MICU2: variants seen among roughly 807,000 people sequenced by gnomAD.
The protein encoded by MICU2 is mitochondrial calcium uptake 2.
Under a neutral mutation model 60.4 loss-of-function variants are expected in MICU2, and 64 were observed. The observed-to-expected ratio is 1.06, with a 90% CI of 0.87 to 1.31. The LOEUF (loss-of-function observed/expected upper bound fraction) is 1.31, where lower values mean the gene tolerates loss of function less well. Among genes scored for constraint, MICU2 ranks in the 50% most tolerant of loss-of-function variants. The pLI is 0.00. For synonymous variants in MICU2, 201 were observed against 175.0 expected, an observed-to-expected ratio of 1.15 and a Z score of -1.17; for missense variants, 569 against 531.0, an observed-to-expected ratio of 1.07 and a Z score of -0.70.
chr13:21,603,202 C>T (rs1010538983), intron 1 of MICU2, among the ~76,000 whole-genome samples: 1 of 152,132 alleles, frequency 6.6e-6, no homozygotes, highest in Admixed American at 6.5e-5. Context: ...GAACTCCTGA[C>T]CTCAGGAGAT....
chr13:21,556,881 T>C (rs1206372315), intron 2 of MICU2, among the ~76,000 whole-genome samples: 1 of 152,126 alleles, frequency 6.6e-6, no homozygotes, highest in Non-Finnish European at 1.5e-5. Context: ...TGTAAAATGA[T>C]TGGAAAACTC....
At chr13:21,589,314 G>A (rs929527120) in intron 1 of MICU2, among the ~76,000 whole-genome samples, 1 of 152,168 alleles carries the variant, frequency 6.6e-6, no homozygotes, top group Non-Finnish European at 1.5e-5. Context: ...ACTTATTCTT[G>A]TCAGGTGCTG....
chr13:21,502,494 T>C (rs1886199182), intron 9 of MICU2, among the ~76,000 whole-genome samples: 1 of 152,214 alleles, frequency 6.6e-6, no homozygotes, highest in Non-Finnish European at 1.5e-5. Flanking sequence ...TATATTAGCA[T>C]TGTGACAGGT....
intron 2 of MICU2, among the ~76,000 whole-genome samples, chr13:21,542,020 A>C (rs981345243): frequency 2.6e-5 from 4 of 152,098 alleles, no homozygotes; most frequent in Admixed American, 2.0e-4. Flanking sequence ...CTCTTACATA[A>C]AATTCATTTT....
intron 1 of MICU2, among the ~76,000 whole-genome samples, chr13:21,568,024 G>A (rs1193209481): frequency 6.6e-6 from 1 of 152,104 alleles, no homozygotes; most frequent in Non-Finnish European, 1.5e-5. Context: ...TCCAATAGCA[G>A]GCTTTCATTC....
chr13:21,596,896 A>C (rs1053141123), intron 1 of MICU2, among the ~76,000 whole-genome samples: 1 of 152,240 alleles, frequency 6.6e-6, no homozygotes, highest in African/African-American at 2.4e-5. Flanking sequence ...AAATGCAAAA[A>C]TAGTTTATTA....
chr13:21,524,153 A>G (rs1388096846), intron 4 of MICU2, among the ~76,000 whole-genome samples: 1 of 152,218 alleles, frequency 6.6e-6, no homozygotes, highest in African/African-American at 2.4e-5. Flanking sequence ...GATTGGTATA[A>G]TAGCAAAATG....
intron 1 of MICU2, among the ~76,000 whole-genome samples, chr13:21,584,802 C>A (rs1888423774): frequency 6.6e-6 from 1 of 152,088 alleles, no homozygotes; most frequent in Non-Finnish European, 1.5e-5. Flanking sequence ...CATTTAAATT[C>A]ATATACTGCT....
At chr13:21,577,172 C>T (rs1383674538) in intron 1 of MICU2, among the ~76,000 whole-genome samples, 1 of 152,188 alleles carries the variant, frequency 6.6e-6, no homozygotes, top group East Asian at 1.9e-4. Flanking sequence ...CAAGATTTTC[C>T]TAAAACAGAT....
intron 2 of MICU2, among the ~76,000 whole-genome samples, chr13:21,541,016 C>T (rs1887269209): frequency 6.6e-6 from 1 of 152,074 alleles, no homozygotes; most frequent in Non-Finnish European, 1.5e-5. Context: ...ACCATGTACC[C>T]TTTTATTTTT....
chr13:21,587,729 A>G (rs1170929216), intron 1 of MICU2, among the ~76,000 whole-genome samples: 2 of 152,224 alleles, frequency 1.3e-5, no homozygotes. Flanking sequence ...CTCACTTAAC[A>G]GTCATTAATT....
chr13:21,590,642 C>G (rs1888558833), intron 1 of MICU2, among the ~76,000 whole-genome samples: 1 of 152,172 alleles, frequency 6.6e-6, no homozygotes, highest in Non-Finnish European at 1.5e-5. Flanking sequence ...TTTGGGAGGT[C>G]AAGAGATCGA....
rs757861288 is a variant in MICU2 at position 21,493,223 on chromosome 13, T to C, written c.*26A>G. On this transcript the variant is annotated 3_prime_UTR_variant, in exon 12 of 12. Transcript: ENST00000382374. Reference sequence around the variant, plus strand: ...ACAAATTTTGACATTTGGAACAATATAATTGCCATACTATTATATCTTTTA... The same window carrying C: ...ACAAATTTTGACATTTGGAACAATACAATTGCCATACTATTATATCTTTTA... The C allele has an allele frequency of 6.7e-7, 1 of 1,487,180 alleles. No homozygotes were observed. Among genetic ancestry groups the C allele is most frequent in the East Asian group, 2.3e-5 (1 of 43,608 alleles). 92.1% of individuals were successfully genotyped at this position (1,487,180 alleles called of 1,614,324 possible).
chr13:21,564,754 T>C (rs190869906), intron 2 of MICU2, among the ~76,000 whole-genome samples: 157 of 152,234 alleles, frequency 1.0e-3, no homozygotes, highest in African/African-American at 3.6e-3. Flanking sequence ...AAATGGCTAC[T>C]TTTCCCTCCC....
intron 2 of MICU2, among the ~76,000 whole-genome samples, chr13:21,564,437 C>G (rs1196734290): frequency 3.9e-5 from 6 of 152,086 alleles, no homozygotes; most frequent in Non-Finnish European, 8.8e-5. Flanking sequence ...TCTTTCAGTA[C>G]TGCCTTATTA....
intron 2 of MICU2, among the ~76,000 whole-genome samples, chr13:21,546,790 T>C (rs1887429586): frequency 6.6e-6 from 1 of 152,144 alleles, no homozygotes. Context: ...ATGATACATC[T>C]GAGATTGCTA....
At chr13:21,550,637 A>T (rs934851566) in intron 2 of MICU2, among the ~76,000 whole-genome samples, 1 of 152,210 alleles carries the variant, frequency 6.6e-6, no homozygotes, top group African/African-American at 2.4e-5. Context: ...GATATAGAAA[A>T]TATTTAAAAA....
chr13:21,556,900 G>A (rs1233768180), intron 2 of MICU2, among the ~76,000 whole-genome samples: 3 of 152,180 alleles, frequency 2.0e-5, no homozygotes, highest in African/African-American at 2.4e-5. Flanking sequence ...TCTAGGTGAA[G>A]GTGAGGACTA....
At chr13:21,572,156 G>C (rs1888125791) in intron 1 of MICU2, among the ~76,000 whole-genome samples, 2 of 152,228 alleles carry the variant, frequency 1.3e-5, no homozygotes, top group Admixed American at 1.3e-4. Flanking sequence ...CAGCCTGACA[G>C]TAAGGCAGGA....
Sources: gnomAD v4.1 joint callset for allele counts (sites outside exome capture counted in the v4.1 genomes callset) on GRCh38, gnomAD v4.1.1 for gene constraint, MANE v1.5 for transcripts, NCBI Gene and HGNC (gene_info 2026-07-23, HGNC 2026-07-21) for gene names.